Variants in TRANK1 observed in about 807,000 individuals in gnomAD.
TRANK1 encodes TPR and ankyrin repeat-containing protein 1.
In TRANK1, 198 loss-of-function variants were observed where a neutral mutation model predicts 266.0. That is an observed-to-expected ratio of 0.74 (90% CI 0.66 to 0.84). The LOEUF (loss-of-function observed/expected upper bound fraction) is 0.84, where lower values mean the gene tolerates loss of function less well. Among genes scored for constraint, TRANK1 ranks in the 40% least tolerant of loss-of-function variants. The probability of loss-of-function intolerance (pLI) is 0.00; values close to 1 mark genes in which losing one functional copy is unlikely to be tolerated. For synonymous variants in TRANK1, 1,396 were observed against 1,384.1 expected (o/e 1.01, Z -0.19); for missense variants, 3,326 against 3,634.6 (o/e 0.92, Z 2.18).
intron 1 of TRANK1, among the ~76,000 whole-genome samples, chr3:36,928,015 G>A (rs764514643): frequency 5.9e-5 from 9 of 152,194 alleles, no homozygotes; most frequent in Non-Finnish European, 1.2e-4. Context: ...AGAATGTGGG[G>A]TCACAGGTTG....
At chr3:36,873,369 C>A (rs1158579774) in intron 9 of TRANK1, among the ~76,000 whole-genome samples, 1 of 152,074 alleles carries the variant, frequency 6.6e-6, no homozygotes, top group African/African-American at 2.4e-5. Context: ...TGTATGAGTG[C>A]AAAAACTACA....
At chr3:36,868,873 G>A (rs2079264616) in intron 9 of TRANK1, among the ~76,000 whole-genome samples, 1 of 152,190 alleles carries the variant, frequency 6.6e-6, no homozygotes, top group Non-Finnish European at 1.5e-5. Context: ...TGGAGGACCA[G>A]AAAGATAAGG....
intron 8 of TRANK1, among the ~76,000 whole-genome samples, chr3:36,883,703 C>T (rs11129740): frequency 2.0e-5 from 3 of 151,876 alleles, no homozygotes. Context: ...AAGGATGAGA[C>T]GGAAGTGACA....
rs575591919 is a variant in TRANK1, at chr3:36,834,071, A to G, written c.5664-152T>C. Among the ~76,000 whole-genome samples the G allele has an allele frequency of 6.6e-5, 10 of 152,368 alleles. No individual in the cohort carries two copies. In the South Asian group the frequency reaches 2.1e-3, roughly 32 times the overall value. On this transcript the variant is annotated intron_variant, in intron 21 of 23. Transcript: ENST00000645898. ...ACTTGTCAAGCATTCAAGTATTTTT[A>G]CAAAGGCCTTATTTTACACTGTTAC...
At position 36,856,711 on chromosome 3, in the gene TRANK1, T is replaced by G. The variant is rs1196234353; in HGVS notation, c.3011A>C (p.Lys1004Thr). 1 of 1,614,070 alleles carries G rather than the reference T, an allele frequency of 6.2e-7. No individual in the cohort carries two copies. Among genetic ancestry groups the G allele is most frequent in the South Asian group, 1.1e-5 (1 of 91,080 alleles). ...RCYVEDTEAEKGREHVNPEYF... is the reference protein window; with the variant it reads ...RCYVEDTEAETGREHVNPEYF... ...CTCAGGATTGACATGCTCCCTGCCCTTCTCGGCCTCTGTGTCCTCCACATA... is the reference window on the plus strand; with the variant it reads ...CTCAGGATTGACATGCTCCCTGCCCGTCTCGGCCTCTGTGTCCTCCACATA... The change falls in exon 13 of 24, where the codon AAG becomes ACG. Residue 1004 changes from lysine (K) to threonine (T), a missense_variant. Coordinates refer to ENST00000645898, the MANE Select transcript of TRANK1 (RefSeq NM_001329998.2).
At chr3:36,915,096 C>T (rs542352554) in intron 1 of TRANK1, among the ~76,000 whole-genome samples, 1 of 152,084 alleles carries the variant, frequency 6.6e-6, no homozygotes, top group African/African-American at 2.4e-5. Context: ...GGACTACAGG[C>T]GCCGGCCACC....
At chr3:36,834,152 A>G (rs1026127578) in intron 21 of TRANK1, among the ~76,000 whole-genome samples, 1 of 152,386 alleles carries the variant, frequency 6.6e-6, no homozygotes, top group Non-Finnish European at 1.5e-5. Context: ...TGGTGTGCTT[A>G]ATTAATGAAA....
chr3:36,932,586 A>C (rs1240462402), intron 1 of TRANK1, among the ~76,000 whole-genome samples: 1 of 152,224 alleles, frequency 6.6e-6, no homozygotes, highest in African/African-American at 2.4e-5. Flanking sequence ...CGCACACACA[A>C]AAAGTATGAG....
intron 1 of TRANK1, among the ~76,000 whole-genome samples, chr3:36,942,493 A>AG (rs1166197807): frequency 7.0e-5 from 10 of 142,494 alleles, no homozygotes; most frequent in Admixed American, 6.1e-4. Flanking sequence ...AAAAAAAAAA[A>AG]AAAAAAAAAA....
chr3:36,933,403 C>G lies in TRANK1; in HGVS notation c.23+11384G>C, dbSNP rs377502768. On this transcript the variant is annotated intron_variant, in intron 1 of 23. Transcript: ENST00000645898. ...AATCCTCTGTTTGAGTGTTCAATCT[C>G]CTTAGGATTTTGAATGTTATTCCCA... Among the ~76,000 whole-genome samples the G allele has an allele frequency of 5.3e-5, 8 of 152,350 alleles. No individual in the cohort carries two copies. In the East Asian group the frequency reaches 1.5e-3, roughly 29 times the overall value.
At chr3:36,841,278 T>C (rs1045793157) in intron 18 of TRANK1, among the ~76,000 whole-genome samples, 6 of 152,214 alleles carry the variant, frequency 3.9e-5, no homozygotes, top group South Asian at 2.1e-4. Context: ...ACTTTTCCTG[T>C]AACATTTGAG....
chr3:36,836,024 C>A (rs1483029384), intron 20 of TRANK1, among the ~76,000 whole-genome samples: 1 of 152,152 alleles, frequency 6.6e-6, no homozygotes, highest in Non-Finnish European at 1.5e-5. Flanking sequence ...AAATGCTCAA[C>A]TTTACTGACA....
At chr3:36,879,253 G>A (rs2079437196) in intron 8 of TRANK1, among the ~76,000 whole-genome samples, 1 of 151,566 alleles carries the variant, frequency 6.6e-6, no homozygotes, top group African/African-American at 2.4e-5. Context: ...GAGAAGCCAA[G>A]TTATGATTAA....
Position 36,857,202 on chromosome 3 carries a change from T to C in TRANK1, c.2520A>G (p.Ser840=). ...DNMTWEIECT[S]EMLKKLSSKV... ...TACTAGACAGCTTCTTCAGCATTTC[T>C]GAAGTGCACTCGATCTCCCAGGTCA... The change falls in exon 13 of 24, where the codon TCA becomes TCG. Residue 840 remains serine (S), a synonymous_variant. Transcript: ENST00000645898. This position sits in a 1 kb window ranked among gnomAD's most constrained non-coding sequence, Gnocchi z 4.3. 6.2e-7 allele frequency: 1 copy of C among 1,613,988 alleles called. No homozygotes were observed. The highest frequency in any genetic ancestry group is 1.3e-5 in the African/African-American group (1 of 75,074).
Position 36,855,412 on chromosome 3 carries a change from T to A in TRANK1, c.4310A>T (p.Asp1437Val), listed in dbSNP as rs1385803718. Residue 1437 changes from aspartate (D) to valine (V), a missense_variant, in exon 13 of 24, where the codon GAT (aspartate) becomes GTT (valine). Asp to Val is a radical substitution (Grantham distance 152). Transcript: ENST00000645898. ...LPWSIHELYGDEIQDFTQAEL... is the reference protein window; with the variant it reads ...LPWSIHELYGVEIQDFTQAEL... ...GGCCTGGGTAAAGTCTTGAATCTCA[T>A]CACCATAGAGCTCGTGGATGGACCA... 1 of 1,614,000 alleles carries A rather than the reference T, an allele frequency of 6.2e-7. No individual in the cohort carries two copies.
At chr3:36,849,905 T>C in intron 15 of TRANK1, 1 of 525,090 alleles carries the variant, frequency 1.9e-6, no homozygotes, top group Non-Finnish European at 2.4e-6. Context: ...AAGTGGATGT[T>C]TACAAAAGAT....
In TRANK1 at chr3:36,898,697, A is replaced by G. The variant is rs9822341; in HGVS notation, c.433+412T>C. 6.5e-3 allele frequency among the ~76,000 whole-genome samples: 988 copies of G among 151,984 alleles called. 10 individuals are homozygous for G. Among genetic ancestry groups the G allele is most frequent in the African/African-American group, 0.023 (948 of 41,454 alleles). On this transcript the variant is annotated intron_variant, in intron 4 of 23. Transcript: ENST00000645898. ...AAACCTCATCTCTACTAAAAATACA[A>G]AAAACTAGCCCGGTGTGGTGGCGTG...
chr3:36,893,188 G>A (rs1210400507), intron 5 of TRANK1, among the ~76,000 whole-genome samples: 1 of 151,752 alleles, frequency 6.6e-6, no homozygotes, highest in Non-Finnish European at 1.5e-5. Context: ...TGTTCCTGCT[G>A]AGGACTAAGG....
intron 1 of TRANK1, chr3:36,908,660 C>T: frequency 8.2e-7 from 1 of 1,220,644 alleles, no homozygotes; most frequent in Non-Finnish European, 1.0e-6. Flanking sequence ...CTTTTCTGTT[C>T]TCAAGGGTGG....
Sources: allele counts gnomAD v4.1 joint callset (sites outside exome capture counted in the v4.1 genomes callset), GRCh38; gene constraint gnomAD v4.1.1; non-coding constraint Gnocchi (gnomAD v3.1); transcripts MANE v1.5; gene names NCBI Gene and HGNC (gene_info 2026-07-23, HGNC 2026-07-21).